SPATA1: variants seen among roughly 807,000 people sequenced by gnomAD.
The protein encoded by SPATA1 is spermatogenesis-associated protein 1.
SPATA1 carries 57 observed loss-of-function variants against 59.6 expected under a neutral mutation model. The observed-to-expected ratio is 0.96, with a 90% CI of 0.77 to 1.19. SPATA1 has a LOEUF of 1.19. SPATA1 is among the 50% of genes most tolerant of loss of function. The probability of loss-of-function intolerance (pLI) is 0.00; values close to 1 mark genes in which losing one functional copy is unlikely to be tolerated. For synonymous variants in SPATA1, 147 were observed against 163.9 expected (o/e 0.90, Z 0.79); for missense variants, 448 against 480.7 (o/e 0.93, Z 0.64).
Position 84,536,877 on chromosome 1 carries a change from TTTTC to T in SPATA1, c.717+3115_717+3118del, listed in dbSNP as rs1462641011. 2.2e-3 allele frequency among the ~76,000 whole-genome samples: 208 copies of T among 93,326 alleles called. 2 individuals carry two copies. The highest frequency in any genetic ancestry group is 7.7e-3 in the African/African-American group (203 of 26,460). 61.2% of individuals were successfully genotyped at this position (93,326 alleles called of 152,430 possible). A position where few individuals can be genotyped will look rare whatever the true frequency, so the allele number is the denominator to read the frequency against. On this transcript the variant is annotated intron_variant, in intron 8 of 12. Coordinates refer to ENST00000490879, the Ensembl canonical transcript of SPATA1. ...GACTATACTTGATTTGTTTTTTCTT[TTTTC>T]TTTTTTTTTTTTTTTTGAGATGAAG...
At chr1:84,566,103 A>AAG in exon 5 of SPATA1, 1 of 704,060 alleles carries the variant, frequency 1.4e-6, no homozygotes, top group Non-Finnish European at 2.0e-6. Context: ...TTTACCTTAT[A>AAG]CTACACAAGG....
At chr1:84,506,394 C>T (rs189786029), upstream of SPATA1, 2 of 255,292 alleles carry the variant, frequency 7.8e-6, no homozygotes, top group Admixed American at 1.2e-4. Context: ...TTCTTTTCCT[C>T]TCCAGAGGGG....
At chr1:84,545,284 T>A (rs1217980509) in intron 9 of SPATA1, among the ~76,000 whole-genome samples, 4 of 150,248 alleles carry the variant, frequency 2.7e-5, no homozygotes, top group Non-Finnish European at 5.9e-5. Flanking sequence ...ATATACATTT[T>A]CTATGTACGA....
intron 8 of SPATA1, among the ~76,000 whole-genome samples, chr1:84,534,554 AGATCCTAAAT>A: frequency 6.6e-6 from 1 of 152,208 alleles, no homozygotes; most frequent in South Asian, 2.1e-4. Flanking sequence ...AGCTGGGCTT[AGATCCTAAAT>A]AGTGTAGACT....
downstream of SPATA1, among the ~76,000 whole-genome samples, chr1:84,557,656 C>T (rs1271913586): frequency 6.6e-6 from 1 of 150,934 alleles, no homozygotes; most frequent in Non-Finnish European, 1.5e-5. Context: ...GAGATCGAGA[C>T]CATCCTGGCT....
At chr1:84,515,716 C>T (rs1351731623) in intron 1 of SPATA1, among the ~76,000 whole-genome samples, 1 of 151,950 alleles carries the variant, frequency 6.6e-6, no homozygotes, top group Admixed American at 6.6e-5. Context: ...ACAAATGAAG[C>T]CTGATTTATT....
At chr1:84,563,495 T>G in intron 4 of SPATA1, 1 of 1,047,500 alleles carries the variant, frequency 9.5e-7, no homozygotes, top group Non-Finnish European at 1.3e-6. Flanking sequence ...ATATATAAAT[T>G]ATTTAGAAAT....
At chr1:84,525,259 G>A (rs1166149829) in intron 4 of SPATA1, among the ~76,000 whole-genome samples, 5 of 152,254 alleles carry the variant, frequency 3.3e-5, no homozygotes, top group South Asian at 2.1e-4. Context: ...GAGTCACCAC[G>A]CCCAGTCCCC....
At chr1:84,519,327 G>A (rs1026285148) in intron 2 of SPATA1, among the ~76,000 whole-genome samples, 5 of 151,956 alleles carry the variant, frequency 3.3e-5, no homozygotes, top group African/African-American at 9.7e-5. Flanking sequence ...TAATAAATTA[G>A]CGTTTGAGTG....
At chr1:84,508,972 G>C (rs1682409185) in intron 1 of SPATA1, among the ~76,000 whole-genome samples, 3 of 152,140 alleles carry the variant, frequency 2.0e-5, no homozygotes, top group Non-Finnish European at 1.5e-5. Context: ...ATTCAATATA[G>C]TTAAAATGTC....
At chr1:84,545,496 C>G in intron 9 of SPATA1, 138 bp from the exon 10 acceptor site, 1 of 929,058 alleles carries the variant, frequency 1.1e-6, no homozygotes, top group Non-Finnish European at 1.5e-6. Context: ...AAATGCTATA[C>G]TGTAGCAAGA....
intron 1 of SPATA1, among the ~76,000 whole-genome samples, chr1:84,514,051 G>A (rs1682690497): frequency 6.6e-6 from 1 of 151,822 alleles, no homozygotes; most frequent in African/African-American, 2.4e-5. Context: ...CACCATGTTG[G>A]CCAGACTGGT....
chr1:84,522,476 T>G, exon 4 of SPATA1: 1 of 1,547,986 alleles, frequency 6.5e-7, no homozygotes, highest in East Asian at 2.3e-5. Context: ...AAATTTTTAT[T>G]TCTGAAATGC....
chr1:84,542,430 C>A (rs958587449), intron 8 of SPATA1, among the ~76,000 whole-genome samples: 2 of 152,150 alleles, frequency 1.3e-5, no homozygotes, highest in African/African-American at 2.4e-5. Context: ...TATGTCTTAC[C>A]ATGATTACTG....
intron 1 of SPATA1, among the ~76,000 whole-genome samples, chr1:84,509,690 C>T (rs570648745): frequency 2.0e-5 from 3 of 152,258 alleles, no homozygotes; most frequent in African/African-American, 2.4e-5. Flanking sequence ...CACTTGAATC[C>T]GGGAGGCAGA....
intron 6 of SPATA1, chr1:84,527,443 AAAG>A (rs1683268387): frequency 6.6e-6 from 1 of 152,102 alleles, no homozygotes. Context: ...TAATAAATGT[AAAG>A]AAGAAAATAA....
chr1:84,514,844 G>A (rs1349743788), intron 1 of SPATA1, among the ~76,000 whole-genome samples: 1 of 152,056 alleles, frequency 6.6e-6, no homozygotes, highest in Non-Finnish European at 1.5e-5. Context: ...GGAGGCACAC[G>A]CCTGTAATCT....
chr1:84,559,682 T>C (rs1317744922), intron 4 of SPATA1, among the ~76,000 whole-genome samples: 1 of 152,108 alleles, frequency 6.6e-6, no homozygotes, highest in African/African-American at 2.4e-5. Flanking sequence ...ATGGGAATTT[T>C]GCAATGAATA....
downstream of SPATA1, among the ~76,000 whole-genome samples, chr1:84,556,265 G>A (rs1684426435): frequency 6.6e-6 from 1 of 152,052 alleles, no homozygotes; most frequent in Non-Finnish European, 1.5e-5. Flanking sequence ...GCAAAGGAAG[G>A]TGAAAAAGAT....
Sources: gnomAD v4.1 joint callset for allele counts (sites outside exome capture counted in the v4.1 genomes callset) on GRCh38, gnomAD v4.1.1 for gene constraint, MANE v1.5 for transcripts, NCBI Gene and HGNC (gene_info 2026-07-23, HGNC 2026-07-21) for gene names.